Variants in SORCS1 observed in about 807,000 individuals in gnomAD.
SORCS1 encodes VPS10 domain-containing receptor SorCS1.
A neutral mutation model predicts 146.1 loss-of-function variants in SORCS1; 60 were observed. The observed-to-expected ratio is 0.41, with a 90% CI of 0.33 to 0.51. SORCS1 has a LOEUF of 0.51. SORCS1 is among the 20% of genes least tolerant of loss of function. The probability of loss-of-function intolerance (pLI) is 0.21; values close to 1 mark genes in which losing one functional copy is unlikely to be tolerated. For synonymous variants in SORCS1, 637 were observed against 584.0 expected (o/e 1.09, Z -1.31); for missense variants, 1,352 against 1,487.6 (o/e 0.91, Z 1.50).
At chr10:107,008,511 A>G (rs574456373) in intron 1 of SORCS1, among the ~76,000 whole-genome samples, 79 of 152,350 alleles carry the variant, frequency 5.2e-4, no homozygotes, top group African/African-American at 1.9e-3. Flanking sequence ...ACAACAGACA[A>G]AAAGTTAATG....
At chr10:107,168,055 A>G (rs78035059), upstream of SORCS1, among the ~76,000 whole-genome samples, 21 of 152,286 alleles carry the variant, frequency 1.4e-4, 1 homozygote, top group East Asian at 3.3e-3. Context: ...ACTCCTTACC[A>G]TGGCTGACCA....
chr10:106,985,824 C>G (rs570959821), intron 1 of SORCS1, among the ~76,000 whole-genome samples: 1 of 152,000 alleles, frequency 6.6e-6, no homozygotes, highest in Non-Finnish European at 1.5e-5. Context: ...TATCAGCCAC[C>G]GAGCCTGGAC....
intron 1 of SORCS1, among the ~76,000 whole-genome samples, chr10:106,978,674 C>T (rs1482897482): frequency 1.3e-5 from 2 of 151,752 alleles, no homozygotes; most frequent in Non-Finnish European, 2.9e-5. Flanking sequence ...GGCGTGCACC[C>T]GTAATCCCAG....
chr10:106,925,066 T>C (rs1307775447), intron 2 of SORCS1, among the ~76,000 whole-genome samples: 2 of 152,214 alleles, frequency 1.3e-5, no homozygotes, highest in Non-Finnish European at 2.9e-5. Flanking sequence ...TCATATCTTA[T>C]GTACTTAAAA....
chr10:106,579,383 G>A lies in SORCS1; in HGVS notation c.3357C>T (p.Ile1119=). 1 of 1,614,026 alleles carries A rather than the reference G, an allele frequency of 6.2e-7. No individual in the cohort carries two copies. Among genetic ancestry groups the A allele is most frequent in the Non-Finnish European group, 8.5e-7 (1 of 1,179,998 alleles). ...VVFVGLAVFV[I]YKFKRRVALP... Reference sequence around the variant, plus strand: ...GGGACACGCACCTTTTAAACTTGTAGATGACGAACACTGCCAGCCCCACAA... The same window carrying A: ...GGGACACGCACCTTTTAAACTTGTAAATGACGAACACTGCCAGCCCCACAA... The change falls in exon 25 of 26, where the codon ATC becomes ATT. Residue 1119 remains isoleucine, a synonymous_variant. Coordinates refer to ENST00000263054, the MANE Select transcript of SORCS1 (RefSeq NM_052918.5).
intron 3 of SORCS1, among the ~76,000 whole-genome samples, chr10:106,802,539 C>T (rs1250659152): frequency 2.0e-5 from 3 of 151,664 alleles, no homozygotes; most frequent in African/African-American, 7.3e-5. Context: ...ACTCTTTTTG[C>T]CCAGGCTGGA....
chr10:107,155,804 A>G (rs1969233112), intron 1 of SORCS1, among the ~76,000 whole-genome samples: 2 of 152,138 alleles, frequency 1.3e-5, no homozygotes, highest in African/African-American at 4.8e-5. Context: ...TAGAGGCGTC[A>G]ATCTATTGGT....
At position 106,576,043 on chromosome 10, in the gene SORCS1, TC is replaced by T. The variant is rs1343728676; in HGVS notation, c.*1376del. The T allele has an allele frequency of 6.6e-6, 1 of 152,320 alleles. No individual in the cohort carries two copies. Among genetic ancestry groups the T allele is most frequent in the East Asian group, 1.9e-4 (1 of 5,198 alleles). The allele number at this position is 152,320 out of a possible 1,614,324, so 9.4% of individuals were successfully genotyped here. A position where few individuals can be genotyped will look rare whatever the true frequency, so the allele number is the denominator to read the frequency against. ...CACAATTCATCTCTATGCTTTCTTT[TC>T]CAAAGTACATGGCCAGGTTTGAATT... is the stretch of plus-strand genomic sequence containing the variant. On this transcript the variant is annotated 3_prime_UTR_variant, in exon 26 of 26. Transcript: ENST00000263054.
the SORCS1 span, among the ~76,000 whole-genome samples, chr10:107,171,074 C>A: frequency 6.6e-6 from 1 of 152,238 alleles, no homozygotes; most frequent in Non-Finnish European, 1.5e-5. Context: ...ACACTCAATA[C>A]ATGTTAGCTG....
At chr10:106,995,424 G>A (rs190944565) in intron 1 of SORCS1, among the ~76,000 whole-genome samples, 6 of 152,264 alleles carry the variant, frequency 3.9e-5, no homozygotes, top group East Asian at 1.9e-4. Context: ...AAAAGTAACG[G>A]GATTTGTTCA....
In SORCS1 at chr10:106,829,555, C is replaced by A; in HGVS notation, c.726+19G>T. 5 of 1,542,720 alleles carry A rather than the reference C, an allele frequency of 3.2e-6. No homozygotes were observed. In the South Asian group the frequency reaches 5.9e-5, roughly 18 times the overall value. The stretch of plus-strand genomic sequence containing the variant: ...AGTCACATCATGAATGAGTAGCATG[C>A]TGAATATACATTTCTTACCTTACGC... On this transcript the variant is annotated intron_variant, in intron 3 of 25. Transcript: ENST00000263054.
chr10:107,005,024 T>C (rs1232484023), intron 1 of SORCS1, among the ~76,000 whole-genome samples: 1 of 152,108 alleles, frequency 6.6e-6, no homozygotes, highest in South Asian at 2.1e-4. Flanking sequence ...TGAAAAACAA[T>C]ATGCCTATAT....
At chr10:106,743,582 G>A (rs1181038469) in intron 5 of SORCS1, among the ~76,000 whole-genome samples, 11 of 151,994 alleles carry the variant, frequency 7.2e-5, no homozygotes, top group Admixed American at 7.2e-4. Flanking sequence ...ATACCACCGT[G>A]CCTGGCTAAT....
intron 18 of SORCS1, among the ~76,000 whole-genome samples, chr10:106,632,121 T>C (rs1273254175): frequency 6.6e-6 from 1 of 152,100 alleles, no homozygotes; most frequent in East Asian, 1.9e-4. Context: ...AGGTATTAGG[T>C]TTAACATGCA....
At chr10:106,754,866 T>C (rs1252178935) in intron 5 of SORCS1, among the ~76,000 whole-genome samples, 1 of 152,222 alleles carries the variant, frequency 6.6e-6, no homozygotes, top group Non-Finnish European at 1.5e-5. Context: ...ACAGAAAATA[T>C]GTATCACCAT....
chr10:106,806,166 G>A (rs1170836862), intron 3 of SORCS1, among the ~76,000 whole-genome samples: 2 of 150,468 alleles, frequency 1.3e-5, no homozygotes, highest in African/African-American at 2.4e-5. Context: ...TCAAGAGATC[G>A]AGATCATCCT....
In SORCS1 at chr10:106,844,719, T is replaced by G. The variant is rs904942089; in HGVS notation, c.627-15046A>C. Among the ~76,000 whole-genome samples, 3 of 136,656 alleles carry G rather than the reference T, an allele frequency of 2.2e-5. No homozygotes were observed. In the East Asian group the frequency reaches 6.8e-4, roughly 31 times the overall value. The allele number at this position is 136,656 out of a possible 152,430, so 89.7% of individuals were successfully genotyped here. On this transcript the variant is annotated intron_variant, in intron 2 of 25. Coordinates refer to ENST00000263054, the MANE Select transcript of SORCS1 (RefSeq NM_052918.5). The stretch of plus-strand genomic sequence containing the variant: ...TAGCATTAGGTATATCTCCCAATGC[T>G]ATCCCTCCCCCCTCCCCCCTCCCCA...
chr10:107,010,431 A>ATTT (rs113241978), intron 1 of SORCS1, among the ~76,000 whole-genome samples: 65 of 87,938 alleles, frequency 7.4e-4, no homozygotes, highest in Middle Eastern at 7.0e-3. Context: ...GCATAACTTT[A>ATTT]TTTTTTTTGT....
intron 2 of SORCS1, among the ~76,000 whole-genome samples, chr10:106,919,709 C>CA (rs5787696): frequency 0.053 from 8,053 of 152,018 alleles, 231 homozygotes; most frequent in African/African-American, 0.077. Context: ...TTGCTTCTAG[C>CA]AAAAAAATAA....
Sources: gnomAD v4.1 joint callset for allele counts (sites outside exome capture counted in the v4.1 genomes callset) on GRCh38, gnomAD v4.1.1 for gene constraint, MANE v1.5 for transcripts, NCBI Gene and HGNC (gene_info 2026-07-23, HGNC 2026-07-21) for gene names.